The following PLEKHM3 variants were observed in gnomAD, a reference collection of about 807,000 sequenced individuals.
PLEKHM3 encodes pleckstrin homology domain-containing family M member 3.
A neutral mutation model predicts 81.8 loss-of-function variants in PLEKHM3; 45 were observed. The observed-to-expected ratio is 0.55, with a 90% confidence interval of 0.43 to 0.71. The LOEUF is 0.71. PLEKHM3 is among the 30% of genes least tolerant of loss of function. The pLI is 0.00. For synonymous variants in PLEKHM3, 352 were observed against 356.4 expected (o/e 0.99, Z 0.14); for missense variants, 788 against 924.3 (o/e 0.85, Z 1.91).
At position 207,931,012 on chromosome 2, in the gene PLEKHM3, G is replaced by A. The variant is rs535101497; in HGVS notation, c.1800C>T (p.Ala600=). The change falls in exon 5 of 8, where the codon GCC becomes GCT. Residue 600 remains alanine (A), a synonymous_variant. Coordinates refer to ENST00000427836, the MANE Select transcript of PLEKHM3 (RefSeq NM_001080475.3). ...MLYHHAEPLA[A]VLRLRQRLKS... ...TCAGCCGCTGCCGCAGCCGCAGCAC[G>A]GCGGCCAGCGGCTCTGCGTGGTGGT... 39 of 1,613,864 alleles carry A rather than the reference G, an allele frequency of 2.4e-5. No homozygotes were observed. The highest frequency in any genetic ancestry group is 3.0e-5 in the Non-Finnish European group (35 of 1,179,868).
chr2:207,910,546 TGA>T (rs1473995820), intron 5 of PLEKHM3, among the ~76,000 whole-genome samples: 1 of 152,170 alleles, frequency 6.6e-6, no homozygotes, highest in African/African-American at 2.4e-5. Flanking sequence ...GTCACAGAGC[TGA>T]GTTTCAAGGC....
intron 1 of PLEKHM3, among the ~76,000 whole-genome samples, chr2:208,024,999 G>C (rs1334285256): frequency 6.6e-6 from 1 of 152,184 alleles, no homozygotes; most frequent in Non-Finnish European, 1.5e-5. Context: ...AAAACGGACA[G>C]AGTCGACAGA....
At position 207,858,180 on chromosome 2, in the gene PLEKHM3, A is replaced by ATATATATATATT. The variant is rs751293954; in HGVS notation, c.2108+2924_2108+2925insAATATATATATA. On this transcript the variant is annotated intron_variant, in intron 7 of 7. Coordinates refer to ENST00000427836, the MANE Select transcript of PLEKHM3 (RefSeq NM_001080475.3). ...TGTGTGTGTGTGTGTGTGTGTATAT[A>ATATATATATATT]TTTTTTTTTTTGAGATGAAGTCTCA... 1.6e-3 allele frequency among the ~76,000 whole-genome samples: 161 copies of ATATATATATATT among 103,848 alleles called. 1 individual carries two copies. The highest frequency in any genetic ancestry group is 5.8e-3 in the African/African-American group (155 of 26,922). 68.1% of individuals were successfully genotyped at this position (103,848 alleles called of 152,430 possible).
intron 6 of PLEKHM3, chr2:207,870,028 T>G (rs1365324094): frequency 6.6e-6 from 1 of 152,206 alleles, no homozygotes; most frequent in Non-Finnish European, 1.5e-5. Flanking sequence ...TAGTGCTGCC[T>G]TCCCCAAACC....
intron 6 of PLEKHM3, among the ~76,000 whole-genome samples, chr2:207,893,899 T>C (rs1688140394): frequency 1.3e-5 from 2 of 152,102 alleles, no homozygotes; most frequent in African/African-American, 4.8e-5. Context: ...GAGGATCACT[T>C]GAGCTCAGGA....
intron 2 of PLEKHM3, among the ~76,000 whole-genome samples, chr2:207,978,998 T>C (rs181706713): frequency 1.3e-5 from 2 of 152,312 alleles, no homozygotes; most frequent in Admixed American, 1.3e-4. Context: ...CCACAGAACA[T>C]TGAACATTGC....
In PLEKHM3 at chr2:207,835,563, C is replaced by T. The variant is rs576164272; in HGVS notation, c.2109-7067G>A. ...AGGTCTGTGAGTTAATGAGTAGGAACGTAGTTTTGGTACCTCCCCAGAGAG... is the reference window on the plus strand; with the variant it reads ...AGGTCTGTGAGTTAATGAGTAGGAATGTAGTTTTGGTACCTCCCCAGAGAG... On this transcript the variant is annotated intron_variant, in intron 7 of 7. Coordinates refer to ENST00000427836, the MANE Select transcript of PLEKHM3 (RefSeq NM_001080475.3). 2.0e-4 allele frequency among the ~76,000 whole-genome samples: 31 copies of T among 152,244 alleles called. No homozygotes were observed. The East Asian group carries it at 4.4e-3, about 22-fold the overall frequency.
chr2:207,907,395 G>C (rs1352166679), intron 6 of PLEKHM3, among the ~76,000 whole-genome samples: 2 of 151,984 alleles, frequency 1.3e-5, no homozygotes, highest in African/African-American at 4.8e-5. Context: ...CCAGCTACTC[G>C]GGAGGCTGAG....
intron 6 of PLEKHM3, among the ~76,000 whole-genome samples, chr2:207,903,838 A>G (rs1166068135): frequency 6.6e-6 from 1 of 152,254 alleles, no homozygotes; most frequent in African/African-American, 2.4e-5. Context: ...GCTGACGCCA[A>G]AAGTTAAGGC....
rs545974271 is a variant in PLEKHM3, at chr2:207,947,311, C to A, written c.1547-799G>T. 3.9e-5 allele frequency among the ~76,000 whole-genome samples: 6 copies of A among 152,330 alleles called. No individual in the cohort carries two copies. In the South Asian group the frequency reaches 1.2e-3, roughly 32 times the overall value. On this transcript the variant is annotated intron_variant, in intron 3 of 7. Transcript: ENST00000427836. Reference sequence around the variant, plus strand: ...GCTCTTTACTTCAACAAATCTTGCCCAAGATTACTGGTTGCCTACAATGCC... The same window carrying A: ...GCTCTTTACTTCAACAAATCTTGCCAAAGATTACTGGTTGCCTACAATGCC...
intron 7 of PLEKHM3, among the ~76,000 whole-genome samples, chr2:207,837,615 A>G (rs1022082106): frequency 5.4e-5 from 8 of 148,082 alleles, no homozygotes; most frequent in Non-Finnish European, 1.2e-4. Context: ...AATAAAATAA[A>G]ATTACAATAG....
Position 207,862,020 on chromosome 2 carries a change from T to C in PLEKHM3, c.1951-758A>G, listed in dbSNP as rs528846280. 3.3e-5 allele frequency among the ~76,000 whole-genome samples: 5 copies of C among 152,268 alleles called. No homozygotes were observed. The South Asian group carries it at 1.0e-3, about 32-fold the overall frequency. ...GCTCTCTGCCTGACAGCTGTTCCCA[T>C]CAGGCCCCACAGTCTTGCATCTGCC... On this transcript the variant is annotated intron_variant, in intron 6 of 7. Transcript: ENST00000427836.
intron 1 of PLEKHM3, among the ~76,000 whole-genome samples, chr2:208,016,511 T>C (rs1314513544): frequency 2.0e-5 from 3 of 151,550 alleles, no homozygotes; most frequent in Non-Finnish European, 2.9e-5. Context: ...TAGCCAGTCA[T>C]GGTGGCGCAT....
intron 6 of PLEKHM3, among the ~76,000 whole-genome samples, chr2:207,905,899 T>C (rs1409188498): frequency 2.0e-5 from 3 of 151,926 alleles, no homozygotes; most frequent in African/African-American, 7.3e-5. Flanking sequence ...AGTAAGCTGC[T>C]TGGCATGTAT....
intron 6 of PLEKHM3, among the ~76,000 whole-genome samples, chr2:207,898,888 C>G (rs1264348726): frequency 6.6e-6 from 1 of 151,922 alleles, no homozygotes; most frequent in Non-Finnish European, 1.5e-5. Flanking sequence ...AGAGTAAGAA[C>G]CTGTCTCAAA....
chr2:207,879,858 G>A (rs2092577728), intron 6 of PLEKHM3, among the ~76,000 whole-genome samples: 1 of 152,042 alleles, frequency 6.6e-6, no homozygotes, highest in Admixed American at 6.5e-5. Context: ...TGTTGATTAT[G>A]CAGGGTAAAA....
rs1345961092 is a variant in PLEKHM3, at chr2:207,923,900, TA to T, written c.1886+7025del. Among the ~76,000 whole-genome samples the T allele has an allele frequency of 2.1e-3, 188 of 91,566 alleles. 1 individual carries two copies. The highest frequency in any genetic ancestry group is 7.9e-3 in the African/African-American group (168 of 21,356). 60.1% of individuals were successfully genotyped at this position (91,566 alleles called of 152,430 possible). A position where few individuals can be genotyped will look rare whatever the true frequency, so the allele number is the denominator to read the frequency against. On this transcript the variant is annotated intron_variant, in intron 5 of 7. Coordinates refer to ENST00000427836, the MANE Select transcript of PLEKHM3 (RefSeq NM_001080475.3). Reference sequence around the variant, plus strand: ...ACACACATATATATATATATATATATATATATTTTTTTTTTTTTTTTTTTCT... The same window carrying T: ...ACACACATATATATATATATATATATTATATTTTTTTTTTTTTTTTTTTCT...
At chr2:207,892,896 C>T (rs575194925) in intron 6 of PLEKHM3, among the ~76,000 whole-genome samples, 1 of 152,196 alleles carries the variant, frequency 6.6e-6, no homozygotes, top group Non-Finnish European at 1.5e-5. Flanking sequence ...GGCGATGTGG[C>T]TTAAGCAAAC....
chr2:207,902,339 A>G (rs1296130944), intron 6 of PLEKHM3, among the ~76,000 whole-genome samples: 1 of 152,198 alleles, frequency 6.6e-6, no homozygotes, highest in Admixed American at 6.5e-5. Flanking sequence ...AATAACTCAC[A>G]TCACTTCCTT....
Sources: gnomAD v4.1 joint callset for allele counts (sites outside exome capture counted in the v4.1 genomes callset) on GRCh38, gnomAD v4.1.1 for gene constraint, MANE v1.5 for transcripts, NCBI Gene and HGNC (gene_info 2026-07-23, HGNC 2026-07-21) for gene names.